Variants in CFAP299 observed in about 807,000 individuals in gnomAD.
The protein encoded by CFAP299 is cilia and flagella associated protein 299.
A neutral mutation model predicts 27.0 loss-of-function variants in CFAP299; 21 were observed. The ratio of observed to expected loss-of-function variants is 0.78; its 90% confidence interval spans 0.55 to 1.12. The LOEUF (loss-of-function observed/expected upper bound fraction) is 1.12, where lower values mean the gene tolerates loss of function less well. Ranked by LOEUF, CFAP299 falls within the 50% of genes most tolerant of loss-of-function variation. The pLI is 0.00. For synonymous variants in CFAP299, 104 were observed against 98.1 expected (o/e 1.06, Z -0.36); for missense variants, 310 against 276.6 (o/e 1.12, Z -0.86).
chr4:80,347,583 A>G (rs1163788232), intron 1 of CFAP299, among the ~76,000 whole-genome samples: 1 of 152,230 alleles, frequency 6.6e-6, no homozygotes, highest in Non-Finnish European at 1.5e-5. Flanking sequence ...AGGAAAGTGA[A>G]GGACCTCTTC....
At chr4:80,739,958 TTCA>T (rs1724158422) in intron 3 of CFAP299, among the ~76,000 whole-genome samples, 3 of 152,344 alleles carry the variant, frequency 2.0e-5, no homozygotes, top group Admixed American at 1.3e-4. Flanking sequence ...TGATGCATTC[TTCA>T]TCATGTCATT....
chr4:80,716,358 A>C (rs1048013246), intron 3 of CFAP299, among the ~76,000 whole-genome samples: 2 of 150,994 alleles, frequency 1.3e-5, no homozygotes, highest in African/African-American at 4.9e-5. Context: ...AGTGAATGTC[A>C]ATAAGGATAG....
intron 3 of CFAP299, among the ~76,000 whole-genome samples, chr4:80,717,262 G>T (rs192738049): frequency 1.3e-5 from 2 of 152,192 alleles, no homozygotes; most frequent in Admixed American, 6.5e-5. Flanking sequence ...TACCCTAAAA[G>T]GGATGGTCTC....
At chr4:80,849,917 C>T (rs563111360) in intron 3 of CFAP299, among the ~76,000 whole-genome samples, 1 of 152,112 alleles carries the variant, frequency 6.6e-6, no homozygotes, top group East Asian at 1.9e-4. Flanking sequence ...GATGGATATG[C>T]TAATTACCCA....
chr4:80,541,430 C>A (rs1396361574), intron 2 of CFAP299, among the ~76,000 whole-genome samples: 1 of 152,020 alleles, frequency 6.6e-6, no homozygotes, highest in Non-Finnish European at 1.5e-5. Context: ...TGTACAAGAA[C>A]CTTAGGATAT....
chr4:80,452,681 A>G (rs138434559), intron 2 of CFAP299, among the ~76,000 whole-genome samples: 1 of 152,314 alleles, frequency 6.6e-6, no homozygotes, highest in African/African-American at 2.4e-5. Context: ...TAAGTTGGAA[A>G]AATAATACAA....
Position 80,952,767 on chromosome 4 carries a change from G to A in CFAP299, c.606+7828G>A, listed in dbSNP as rs554343382. On this transcript the variant is annotated intron_variant, in intron 5 of 5. Transcript: ENST00000358105. ...TCTTCTCAGAGCTCCTCTCTCCTCT[G>A]TTCTGCCCTCTCAGGCAACCCCCAC... 3.6e-3 allele frequency among the ~76,000 whole-genome samples: 551 copies of A among 151,906 alleles called. 1 individual carries two copies. The highest frequency in any genetic ancestry group is 0.014 in the Middle Eastern group (4 of 294).
chr4:80,372,619 G>A (rs565399617), intron 2 of CFAP299, among the ~76,000 whole-genome samples: 1 of 152,266 alleles, frequency 6.6e-6, no homozygotes, highest in South Asian at 2.1e-4. Flanking sequence ...GAAGTGGCAG[G>A]CCCCCAGAGC....
At chr4:80,546,693 T>C (rs1734243167) in intron 2 of CFAP299, among the ~76,000 whole-genome samples, 1 of 151,902 alleles carries the variant, frequency 6.6e-6, no homozygotes, top group Non-Finnish European at 1.5e-5. Flanking sequence ...GTGTGGCACT[T>C]CACTCCTACT....
chr4:80,648,126 G>C (rs115405946), intron 3 of CFAP299, among the ~76,000 whole-genome samples: 1 of 152,130 alleles, frequency 6.6e-6, no homozygotes, highest in Non-Finnish European at 1.5e-5. Context: ...TAAAATTATG[G>C]TTAAATTAGG....
intron 2 of CFAP299, among the ~76,000 whole-genome samples, chr4:80,433,074 G>T (rs1366734721): frequency 6.6e-6 from 1 of 152,032 alleles, no homozygotes; most frequent in Non-Finnish European, 1.5e-5. Flanking sequence ...TCTTGATGTG[G>T]CATGGCAGAT....
chr4:80,940,193 G>A (rs1381908270), intron 4 of CFAP299, among the ~76,000 whole-genome samples: 1 of 151,672 alleles, frequency 6.6e-6, no homozygotes, highest in Non-Finnish European at 1.5e-5. Context: ...TAGGATATAT[G>A]GCCATATTTT....
chr4:80,764,463 G>A (rs1255712199), intron 3 of CFAP299, among the ~76,000 whole-genome samples: 1 of 152,108 alleles, frequency 6.6e-6, no homozygotes, highest in Non-Finnish European at 1.5e-5. Context: ...GGCGAGGATG[G>A]AGAGAAATAG....
chr4:80,868,209 T>C (rs1274398848), intron 3 of CFAP299, among the ~76,000 whole-genome samples: 1 of 151,924 alleles, frequency 6.6e-6, no homozygotes, highest in Admixed American at 6.6e-5. Context: ...TTTGTTTCTA[T>C]GTACCTCTAT....
chr4:80,589,995 G>A (rs950106614), intron 3 of CFAP299, among the ~76,000 whole-genome samples: 1 of 152,134 alleles, frequency 6.6e-6, no homozygotes, highest in African/African-American at 2.4e-5. Flanking sequence ...TAATTATCAT[G>A]TAATTGTAAT....
intron 2 of CFAP299, among the ~76,000 whole-genome samples, chr4:80,465,364 G>T (rs1729650758): frequency 6.6e-6 from 1 of 152,146 alleles, no homozygotes. Flanking sequence ...GGTTCCTTTT[G>T]TTCAGGAGTC....
At chr4:80,885,678 C>T (rs1733936240) in intron 4 of CFAP299, among the ~76,000 whole-genome samples, 2 of 152,148 alleles carry the variant, frequency 1.3e-5, no homozygotes, top group African/African-American at 4.8e-5. Flanking sequence ...TCATCACCTG[C>T]TGACTAAACA....
intron 4 of CFAP299, among the ~76,000 whole-genome samples, chr4:80,888,163 C>G (rs1209571018): frequency 3.3e-5 from 5 of 151,922 alleles, no homozygotes; most frequent in Non-Finnish European, 7.4e-5. Flanking sequence ...TGTAAATGGA[C>G]TAAATTCTGC....
chr4:80,854,810 G>GAAAAAA (rs58533748), intron 3 of CFAP299, among the ~76,000 whole-genome samples: 21 of 43,378 alleles, frequency 4.8e-4, no homozygotes, highest in East Asian at 7.4e-4. Context: ...CTGTTGCTAT[G>GAAAAAA]AAAAAAAAAA....
Sources: gnomAD v4.1 joint callset for allele counts (sites outside exome capture counted in the v4.1 genomes callset) on GRCh38, gnomAD v4.1.1 for gene constraint, MANE v1.5 for transcripts, NCBI Gene and HGNC (gene_info 2026-07-23, HGNC 2026-07-21) for gene names.